The following SMG6 variants were observed in gnomAD, a reference collection of about 807,000 sequenced individuals.
SMG6 encodes telomerase-binding protein EST1A.
In SMG6, 66 loss-of-function variants were observed where a neutral mutation model predicts 142.2. The ratio of observed to expected loss-of-function variants is 0.46; its 90% CI spans 0.38 to 0.57. The LOEUF is 0.57. Ranked by LOEUF, SMG6 falls within the 20% of genes least tolerant of loss-of-function variation. The pLI is 0.00. For synonymous variants in SMG6, 779 were observed against 702.4 expected, an observed-to-expected ratio of 1.11 and a Z score of -1.72; for missense variants, 1,793 against 1,832.0, an observed-to-expected ratio of 0.98 and a Z score of 0.39.
intron 10 of SMG6, among the ~76,000 whole-genome samples, chr17:2,228,970 T>C (rs1024780277): frequency 6.6e-6 from 1 of 152,064 alleles, no homozygotes. Context: ...CCACAAAAAG[T>C]AGCACAGTCT....
At chr17:2,067,211 C>A (rs1252151423) in intron 16 of SMG6, among the ~76,000 whole-genome samples, 1 of 152,184 alleles carries the variant, frequency 6.6e-6, no homozygotes, top group Non-Finnish European at 1.5e-5. Context: ...GCTCCCTCCC[C>A]ACCGAATCCG....
At chr17:2,152,538 G>C (rs1567640570) in intron 13 of SMG6, among the ~76,000 whole-genome samples, 1 of 152,196 alleles carries the variant, frequency 6.6e-6, no homozygotes, top group Non-Finnish European at 1.5e-5. Context: ...ATAGGCAAAA[G>C]ATGTGAATAG....
chr17:2,273,828 A>G (rs2074592533), intron 8 of SMG6, among the ~76,000 whole-genome samples: 1 of 152,072 alleles, frequency 6.6e-6, no homozygotes, highest in African/African-American at 2.4e-5. Context: ...GCAAGGTTAT[A>G]TATTGACCAG....
chr17:2,180,420 T>A (rs925098123), intron 12 of SMG6, among the ~76,000 whole-genome samples: 1 of 151,978 alleles, frequency 6.6e-6, no homozygotes, highest in Non-Finnish European at 1.5e-5. Flanking sequence ...AACTGGGGAG[T>A]CAACTTGCTT....
At chr17:2,072,059 G>A (rs933898854) in intron 15 of SMG6, 3 of 152,222 alleles carry the variant, frequency 2.0e-5, no homozygotes, top group African/African-American at 7.2e-5. Context: ...AGAGTGCCAA[G>A]TCCCCACTCG....
At chr17:2,294,646 C>T (rs1359500647) in intron 4 of SMG6, among the ~76,000 whole-genome samples, 1 of 152,186 alleles carries the variant, frequency 6.6e-6, no homozygotes, top group African/African-American at 2.4e-5. Context: ...GTTAGTTTAA[C>T]TATGATTTTC....
At chr17:2,158,789 C>A (rs758191390) in intron 13 of SMG6, among the ~76,000 whole-genome samples, 1 of 150,380 alleles carries the variant, frequency 6.6e-6, no homozygotes, top group Non-Finnish European at 1.5e-5. Flanking sequence ...TGGTGGCGTG[C>A]ACCCATAGTC....
intron 10 of SMG6, among the ~76,000 whole-genome samples, chr17:2,218,487 A>C (rs1462489471): frequency 6.6e-6 from 1 of 152,170 alleles, no homozygotes; most frequent in African/African-American, 2.4e-5. Context: ...CAGAGCTTGC[A>C]GTGAGCCTAG....
chr17:2,225,916 C>T (rs9906500), intron 10 of SMG6, among the ~76,000 whole-genome samples: 3 of 151,870 alleles, frequency 2.0e-5, no homozygotes, highest in Admixed American at 1.3e-4. Context: ...AGAAAGCACC[C>T]GGAGAAAATT....
intron 10 of SMG6, chr17:2,229,393 G>A (rs1164790335): frequency 1.3e-5 from 2 of 152,206 alleles, no homozygotes; most frequent in African/African-American, 4.8e-5. Flanking sequence ...GAACAACAGT[G>A]CTCAGATTTG....
intron 8 of SMG6, among the ~76,000 whole-genome samples, chr17:2,255,421 AAAAAAAAAG>A (rs1311985598): frequency 6.0e-5 from 9 of 149,732 alleles, no homozygotes; most frequent in South Asian, 4.2e-4. Context: ...AAAAAAAAAA[AAAAAAAAAG>A]AATGTGATCT....
intron 9 of SMG6, among the ~76,000 whole-genome samples, chr17:2,239,387 C>T (rs2073747386): frequency 6.6e-6 from 1 of 152,074 alleles, no homozygotes; most frequent in Admixed American, 6.5e-5. Flanking sequence ...AGAAAACATA[C>T]AAAAAGTGGT....
Position 2,300,209 on chromosome 17 carries a change from A to C in SMG6, c.544T>G (p.Cys182Gly). The stretch of plus-strand genomic sequence containing the variant: ...TCCTCCTTCGCAACATTTCCCCTAC[A>C]CTCATCTTCCTCTACTCTCAGTTGT... ...VEQLRVEEDECRGNVAKEEVA... is the reference protein window; with the variant it reads ...VEQLRVEEDEGRGNVAKEEVA... Residue 182 changes from cysteine to glycine, a missense_variant, in exon 2 of 19, where the codon TGT becomes GGT. Cys to Gly is a radical substitution (Grantham distance 159, BLOSUM62 -3). This residue lies in a region of SMG6 where 1,597 missense variants were observed against 1,584.6 expected (regional missense o/e 1.01). Transcript: ENST00000263073. The C allele has an allele frequency of 1.2e-6, 2 of 1,612,560 alleles. No individual in the cohort carries two copies. The highest frequency in any genetic ancestry group is 1.7e-6 in the Non-Finnish European group (2 of 1,179,642).
chr17:2,168,645 C>T (rs1412823366), intron 13 of SMG6, among the ~76,000 whole-genome samples: 1 of 152,110 alleles, frequency 6.6e-6, no homozygotes, highest in Non-Finnish European at 1.5e-5. Flanking sequence ...AATCCCAGCA[C>T]TTTAGGAGGC....
At chr17:2,229,687 G>A (rs950188841) in intron 10 of SMG6, among the ~76,000 whole-genome samples, 3 of 152,124 alleles carry the variant, frequency 2.0e-5, no homozygotes, top group South Asian at 2.1e-4. Context: ...TACTGGTCAC[G>A]CCCTCTGAAA....
chr17:2,068,934 A>G lies in SMG6; in HGVS notation c.3682-3T>C. 1.2e-6 allele frequency: 2 copies of G among 1,613,954 alleles called. No individual in the cohort carries two copies. The highest frequency in any genetic ancestry group is 1.7e-6 in the Non-Finnish European group (2 of 1,179,910). ...TGACTGTGGTCCTCCAGGACAGCCTATGGGGACAGAGTGGTGAATGAGCCA... is the reference window on the plus strand; with the variant it reads ...TGACTGTGGTCCTCCAGGACAGCCTGTGGGGACAGAGTGGTGAATGAGCCA... On this transcript the variant is annotated splice_polypyrimidine_tract_variant and splice_region_variant and intron_variant, in intron 15 of 18. Transcript: ENST00000263073. This position sits in a 1 kb window ranked among gnomAD's most constrained non-coding sequence, Gnocchi z 6.7.
rs915212711 is a variant in SMG6, at chr17:2,071,065, G to T, written c.3682-2134C>A. Among the ~76,000 whole-genome samples, 6 of 152,168 alleles carry T rather than the reference G, an allele frequency of 3.9e-5. No individual in the cohort carries two copies. Among genetic ancestry groups the T allele is most frequent in the Admixed American group, 1.3e-4 (2 of 15,278 alleles). ...CCGTGGCTCTCAAATCTGTCTTTCT[G>T]GGTGAGCAGGGACAGAACAAGCATG... On this transcript the variant is annotated intron_variant, in intron 15 of 18. Coordinates refer to ENST00000263073, the MANE Select transcript of SMG6 (RefSeq NM_017575.5). The surrounding 1 kb of genome is among the most constrained non-coding windows in gnomAD (Gnocchi z 5.6).
At chr17:2,289,325 G>A (rs1014807015) in intron 6 of SMG6, among the ~76,000 whole-genome samples, 4 of 152,100 alleles carry the variant, frequency 2.6e-5, no homozygotes, top group African/African-American at 4.8e-5. Flanking sequence ...GGAGGCCAAC[G>A]CAAGAGGATC....
chr17:2,281,366 C>T (rs1029506194), intron 8 of SMG6, among the ~76,000 whole-genome samples: 1 of 152,072 alleles, frequency 6.6e-6, no homozygotes, highest in Non-Finnish European at 1.5e-5. Context: ...TAGGCTCCAG[C>T]GAACCTCCTG....
Sources: gnomAD v4.1 joint callset for allele counts (sites outside exome capture counted in the v4.1 genomes callset) on GRCh38, gnomAD v4.1.1 for gene constraint, gnomAD v4.1.1 regional missense constraint, Gnocchi (gnomAD v3.1) non-coding constraint, MANE v1.5 for transcripts, NCBI Gene and HGNC (gene_info 2026-07-23, HGNC 2026-07-21) for gene names.